The following COL22A1 variants were observed in gnomAD, a reference collection of about 807,000 sequenced individuals.
The protein encoded by COL22A1 is collagen type XXII alpha 1 chain, also known as collagen alpha-1(XXII) chain.
A neutral mutation model predicts 248.9 loss-of-function variants in COL22A1; 221 were observed. That is an observed-to-expected ratio of 0.89 (90% CI 0.80 to 0.99). COL22A1 has a LOEUF of 0.99. COL22A1 is among the 50% of genes least tolerant of loss of function. COL22A1 has a pLI of 0.00. For synonymous variants in COL22A1, 891 were observed against 793.4 expected, an observed-to-expected ratio of 1.12 and a Z score of -2.07; for missense variants, 2,240 against 2,179.0, an observed-to-expected ratio of 1.03 and a Z score of -0.56.
At chr8:138,687,910 A>G (rs999214801) in intron 37 of COL22A1, among the ~76,000 whole-genome samples, 3 of 152,210 alleles carry the variant, frequency 2.0e-5, no homozygotes, top group African/African-American at 7.2e-5. Flanking sequence ...TACTCCCCTT[A>G]GTGGTGACAA....
At chr8:138,849,387 G>A (rs1325401341) in intron 3 of COL22A1, among the ~76,000 whole-genome samples, 2 of 152,204 alleles carry the variant, frequency 1.3e-5, no homozygotes, top group Non-Finnish European at 2.9e-5. Flanking sequence ...ATGGCTTTAC[G>A]AGGTAGGTGC....
intron 41 of COL22A1, among the ~76,000 whole-genome samples, chr8:138,670,676 T>C (rs906197605): frequency 1.3e-5 from 2 of 151,858 alleles, no homozygotes; most frequent in Non-Finnish European, 2.9e-5. Flanking sequence ...AAGCCACCGG[T>C]AGGCTGGGCA....
At chr8:138,711,218 G>A (rs541990142) in intron 30 of COL22A1, among the ~76,000 whole-genome samples, 6 of 152,270 alleles carry the variant, frequency 3.9e-5, no homozygotes, top group African/African-American at 1.2e-4. Context: ...GCTGGAACAG[G>A]AGCATCACAC....
At chr8:138,786,172 G>T (rs141245960) in intron 12 of COL22A1, among the ~76,000 whole-genome samples, 1,796 of 152,294 alleles carry the variant, frequency 0.012, 41 homozygotes, top group African/African-American at 0.04. Flanking sequence ...AAAACTAGGC[G>T]TGTTGGTTTT....
At chr8:138,674,336 C>T (rs574261593) in intron 41 of COL22A1, among the ~76,000 whole-genome samples, 1 of 152,112 alleles carries the variant, frequency 6.6e-6, no homozygotes, top group Non-Finnish European at 1.5e-5. Context: ...CCCACCCCCA[C>T]GCTGACCCCT....
Position 138,590,327 on chromosome 8 carries a change from C to G in COL22A1, c.4694-887G>C, listed in dbSNP as rs544419436. On this transcript the variant is annotated intron_variant, in intron 64 of 64. Transcript: ENST00000303045. Reference sequence around the variant, plus strand: ...AATGCTTTGGTAATAGCTATTTAATCTATAATCCTGCCTAGATCAAGTTTT... The same window carrying G: ...AATGCTTTGGTAATAGCTATTTAATGTATAATCCTGCCTAGATCAAGTTTT... Among the ~76,000 whole-genome samples, 60 of 152,268 alleles carry G rather than the reference C, an allele frequency of 3.9e-4. No homozygotes were observed. In the South Asian group the frequency reaches 4.6e-3, roughly 12 times the overall value.
chr8:138,888,823 C>T (rs1269515568), intron 1 of COL22A1, among the ~76,000 whole-genome samples: 6 of 152,140 alleles, frequency 3.9e-5, no homozygotes, highest in Admixed American at 2.0e-4. Flanking sequence ...AAGGACTTGT[C>T]GGACTTGTCC....
intron 30 of COL22A1, among the ~76,000 whole-genome samples, chr8:138,707,440 G>A (rs888989079): frequency 1.3e-5 from 2 of 152,150 alleles, no homozygotes; most frequent in African/African-American, 2.4e-5. Context: ...TATCCATCAT[G>A]ATCAAATTGG....
intron 5 of COL22A1, among the ~76,000 whole-genome samples, chr8:138,832,073 C>T (rs570949012): frequency 1.3e-5 from 2 of 152,264 alleles, no homozygotes; most frequent in East Asian, 1.9e-4. Flanking sequence ...GATCTCTGGT[C>T]GTTCTCACTG....
At chr8:138,772,886 A>G (rs1266551867) in intron 16 of COL22A1, among the ~76,000 whole-genome samples, 1 of 152,070 alleles carries the variant, frequency 6.6e-6, no homozygotes, top group Non-Finnish European at 1.5e-5. Flanking sequence ...AAAAAACAAC[A>G]ACAAAAAACC....
chr8:138,798,007 C>T (rs968219608), intron 11 of COL22A1, among the ~76,000 whole-genome samples: 1 of 151,350 alleles, frequency 6.6e-6, no homozygotes, highest in African/African-American at 2.4e-5. Context: ...GTTTATTTTC[C>T]ATCCTTTTAT....
At chr8:138,840,649 G>A (rs1225679771) in intron 4 of COL22A1, among the ~76,000 whole-genome samples, 4 of 152,028 alleles carry the variant, frequency 2.6e-5, no homozygotes, top group Non-Finnish European at 4.4e-5. Flanking sequence ...GTGCAGTGGC[G>A]TGATCTCAGC....
At chr8:138,806,030 TTG>T (rs1206470679) in intron 10 of COL22A1, among the ~76,000 whole-genome samples, 1 of 5,678 alleles carries the variant, frequency 1.8e-4, no homozygotes, top group African/African-American at 1.0e-3. Context: ...TGGTGTGTGG[TTG>T]TGTGTGTGAT....
chr8:138,807,831 C>CA lies in COL22A1; in HGVS notation c.1450-20dup, dbSNP rs1817856255. ...TTTCACCCTAAAAGAAGAAAGACAA[C>CA]AAAAAAGTAAGTTTCTATTTTAATT... On this transcript the variant is annotated intron_variant, in intron 9 of 64. Transcript: ENST00000303045. The CA allele has an allele frequency of 6.2e-7, 1 of 1,612,944 alleles. No homozygotes were observed. The highest frequency in any genetic ancestry group is 8.5e-7 in the Non-Finnish European group (1 of 1,179,356).
In COL22A1 at chr8:138,846,068, G is replaced by C. The variant is rs1044046140; in HGVS notation, c.659-1910C>G. Reference sequence around the variant, plus strand: ...ATGTTTATCCTCAAAGGCACCACCAGGTCTGACAAGCATCATGGAAGGGGT... The same window carrying C: ...ATGTTTATCCTCAAAGGCACCACCACGTCTGACAAGCATCATGGAAGGGGT... On this transcript the variant is annotated intron_variant, in intron 3 of 64. Transcript: ENST00000303045. Among the ~76,000 whole-genome samples, 8 of 152,126 alleles carry C rather than the reference G, an allele frequency of 5.3e-5. No individual in the cohort carries two copies. In the South Asian group the frequency reaches 6.2e-4, roughly 12 times the overall value.
At chr8:138,760,646 C>T (rs957618358) in intron 17 of COL22A1, among the ~76,000 whole-genome samples, 11 of 152,084 alleles carry the variant, frequency 7.2e-5, no homozygotes, top group Admixed American at 2.6e-4. Flanking sequence ...AAGGTGGAGT[C>T]TGGTGGAGTT....
chr8:138,861,631 A>G (rs11166850), intron 3 of COL22A1, among the ~76,000 whole-genome samples: 118,669 of 152,112 alleles, frequency 0.78, 47,886 homozygotes, highest in East Asian at 0.97. Context: ...ACCTCACAAT[A>G]AACAGCAGAA....
chr8:138,751,132 T>G (rs897208993), intron 22 of COL22A1, among the ~76,000 whole-genome samples: 4 of 152,214 alleles, frequency 2.6e-5, no homozygotes, highest in African/African-American at 7.2e-5. Flanking sequence ...ATATATTAGA[T>G]GCACTCAGTT....
intron 35 of COL22A1, among the ~76,000 whole-genome samples, chr8:138,691,573 G>GCA (rs1826883950): frequency 6.6e-6 from 1 of 152,162 alleles, no homozygotes; most frequent in African/African-American, 2.4e-5. Context: ...GGAGGTGTAT[G>GCA]TGTGCGTGTG....
Sources: allele counts gnomAD v4.1 joint callset (sites outside exome capture counted in the v4.1 genomes callset), GRCh38; gene constraint gnomAD v4.1.1; transcripts MANE v1.5; gene names NCBI Gene and HGNC (gene_info 2026-07-23, HGNC 2026-07-21).